VPS13C: variants seen among roughly 807,000 people sequenced by gnomAD.
VPS13C encodes the protein vacuolar protein sorting 13 homolog C.
A neutral mutation model predicts 456.8 loss-of-function variants in VPS13C; 358 were observed. The observed-to-expected ratio is 0.78, with a 90% confidence interval of 0.72 to 0.86. VPS13C has a LOEUF of 0.86. Ranked by LOEUF, VPS13C falls within the 40% of genes least tolerant of loss-of-function variation. The pLI is 0.00. For synonymous variants in VPS13C, 1,578 were observed against 1,486.7 expected (o/e 1.06, Z -1.41); for missense variants, 4,818 against 4,385.4 (o/e 1.10, Z -2.79).
chr15:61,873,557 A>G, intron 77 of VPS13C, 148 bp from the exon 78 acceptor site: 1 of 725,800 alleles, frequency 1.4e-6, no homozygotes, highest in Non-Finnish European at 2.2e-6. Context: ...GCCAACAAGT[A>G]TATGAAAAAA....
chr15:61,936,848 C>A, intron 47 of VPS13C, 98 bp from the exon 48 acceptor site: 5 of 1,247,808 alleles, frequency 4.0e-6, no homozygotes, highest in Non-Finnish European at 5.5e-6. Flanking sequence ...TAATTGTTCA[C>A]CTACTTAAAA....
chr15:61,923,208 GAA>G (rs11377834), intron 53 of VPS13C, among the ~76,000 whole-genome samples: 2 of 139,910 alleles, frequency 1.4e-5, no homozygotes, highest in Admixed American at 7.1e-5. Flanking sequence ...AAGATCTTCT[GAA>G]AAAAAAAAAA....
intron 3 of VPS13C, among the ~76,000 whole-genome samples, chr15:62,040,594 C>G (rs1368160939): frequency 1.3e-5 from 2 of 151,950 alleles, no homozygotes; most frequent in Non-Finnish European, 2.9e-5. Context: ...CAAAGATTAC[C>G]TATTGGATAC....
chr15:61,991,553 C>G (rs2046222828), intron 17 of VPS13C, 120 bp downstream of exon 17: 2 of 1,116,896 alleles, frequency 1.8e-6, no homozygotes, highest in South Asian at 4.8e-5. Context: ...TATATATTTA[C>G]TATACTGAGG....
Position 62,056,550 on chromosome 15 carries a change from G to A in VPS13C, c.100+3725C>T, listed in dbSNP as rs937255122. On this transcript the variant is annotated intron_variant, in intron 1 of 84. Coordinates refer to ENST00000644861, the MANE Select transcript of VPS13C (RefSeq NM_020821.3). ...AAAAGTGTCAAGGAAAAACACCCGC[G>A]ACTTAGCAGACCAGGGAAGGGAGGC... 3.9e-5 allele frequency among the ~76,000 whole-genome samples: 6 copies of A among 152,142 alleles called. No homozygotes were observed. In the East Asian group the frequency reaches 5.8e-4, roughly 15 times the overall value.
At chr15:61,972,512 G>T in intron 27 of VPS13C, 113 bp downstream of exon 27, 1 of 1,139,720 alleles carries the variant, frequency 8.8e-7, no homozygotes, top group Non-Finnish European at 1.2e-6. Context: ...TGGGCAGCAG[G>T]AAAGACAGAG....
intron 5 of VPS13C, among the ~76,000 whole-genome samples, chr15:62,031,328 C>T (rs1276819165): frequency 6.6e-6 from 1 of 150,676 alleles, no homozygotes; most frequent in Admixed American, 6.6e-5. Flanking sequence ...TGCAATGGTG[C>T]TTTTGTGCTT....
intron 55 of VPS13C, among the ~76,000 whole-genome samples, chr15:61,921,728 G>C (rs1387520972): frequency 3.9e-5 from 6 of 152,044 alleles, no homozygotes; most frequent in Non-Finnish European, 1.5e-5. Flanking sequence ...CATTCAATCT[G>C]TTGCAGTATC....
intron 30 of VPS13C, among the ~76,000 whole-genome samples, chr15:61,965,404 A>G (rs2045347750): frequency 6.6e-6 from 1 of 151,934 alleles, no homozygotes; most frequent in African/African-American, 2.4e-5. Flanking sequence ...GAAAAGTACT[A>G]CTTTTTTTAA....
chr15:61,884,091 C>T (rs774337485), intron 68 of VPS13C, 37 bp downstream of exon 68: 3 of 1,547,884 alleles, frequency 1.9e-6, no homozygotes, highest in South Asian at 1.2e-5. Flanking sequence ...CAAGAAAATA[C>T]ACATATAAAA....
chr15:61,876,342 C>T (rs1032164404), intron 75 of VPS13C, among the ~76,000 whole-genome samples: 4 of 151,830 alleles, frequency 2.6e-5, no homozygotes, highest in Admixed American at 1.3e-4. Context: ...TAAATGAATA[C>T]ATAATTCAGT....
intron 59 of VPS13C, 21 bp from the exon 60 acceptor site, chr15:61,917,656 G>T (rs2043515674): frequency 1.3e-6 from 2 of 1,598,642 alleles, no homozygotes; most frequent in Non-Finnish European, 1.7e-6. Context: ...AGGAAACAGT[G>T]ACAATAAAGT....
At chr15:61,982,603 G>C in intron 20 of VPS13C, 30 bp from the exon 21 acceptor site, 3 of 1,477,074 alleles carry the variant, frequency 2.0e-6, no homozygotes, top group African/African-American at 1.4e-5. Flanking sequence ...ACATAACCAA[G>C]TTACACATGG....
intron 3 of VPS13C, among the ~76,000 whole-genome samples, chr15:62,037,001 A>C (rs1325169890): frequency 6.7e-6 from 1 of 149,874 alleles, no homozygotes; most frequent in African/African-American, 2.5e-5. Flanking sequence ...AAACCAAAAA[A>C]AAAAGATAGT....
At chr15:61,959,423 G>A in intron 36 of VPS13C, 25 bp downstream of exon 36, 2 of 1,534,128 alleles carry the variant, frequency 1.3e-6, no homozygotes, top group Non-Finnish European at 1.8e-6. Flanking sequence ...CAACAATGAA[G>A]TTTTTTCTTC....
intron 66 of VPS13C, chr15:61,906,793 C>G (rs1239483917): frequency 1.2e-5 from 2 of 169,030 alleles, no homozygotes; most frequent in African/African-American, 4.8e-5. Context: ...ATTTAATCAA[C>G]TCAGCTACCT....
chr15:62,047,027 GA>G (rs933288376), intron 1 of VPS13C, among the ~76,000 whole-genome samples: 1 of 151,636 alleles, frequency 6.6e-6, no homozygotes, highest in Non-Finnish European at 1.5e-5. Flanking sequence ...GGAAAATGGG[GA>G]AATAAAACAA....
At chr15:61,989,094 A>G (rs1250756904) in intron 18 of VPS13C, among the ~76,000 whole-genome samples, 1 of 151,370 alleles carries the variant, frequency 6.6e-6, no homozygotes, top group East Asian at 1.9e-4. Context: ...AGATATTATT[A>G]ATGAATGAAA....
At chr15:61,999,985 T>C (rs572563024) in intron 16 of VPS13C, among the ~76,000 whole-genome samples, 4 of 151,996 alleles carry the variant, frequency 2.6e-5, no homozygotes, top group African/African-American at 7.2e-5. Flanking sequence ...GCCAAAATTA[T>C]CACAGTAGTA....
Sources: gnomAD v4.1 joint callset for allele counts (sites outside exome capture counted in the v4.1 genomes callset) on GRCh38, gnomAD v4.1.1 for gene constraint, MANE v1.5 for transcripts, NCBI Gene and HGNC (gene_info 2026-07-23, HGNC 2026-07-21) for gene names.